Variants in MASP1 observed in about 807,000 individuals in gnomAD.
MASP1 encodes mannan-binding lectin serine protease 1.
A neutral mutation model predicts 77.1 loss-of-function variants in MASP1; 59 were observed. The observed-to-expected ratio is 0.77, with a 90% CI of 0.62 to 0.95. The LOEUF (loss-of-function observed/expected upper bound fraction) is 0.95, where lower values mean the gene tolerates loss of function less well. Among genes scored for constraint, MASP1 ranks in the 40% least tolerant of loss-of-function variants. MASP1 has a pLI of 0.00. For missense variants in MASP1, 885 were observed against 912.9 expected (o/e 0.97, Z 0.39); for synonymous variants, 362 against 354.5 (o/e 1.02, Z -0.24).
rs1713094888 is a variant in MASP1, at chr3:187,235,693, C to T, written c.2178G>A (p.Val726=). 1 of 1,614,166 alleles carries T rather than the reference C, an allele frequency of 6.2e-7. No homozygotes were observed. Residue 726 remains valine, a synonymous_variant, in exon 11 of 11, where the codon GTG becomes GTA. Transcript: ENST00000296280. ...GLPQSVVEPQ[V]ER ...GAGGAAGTAAGTCAGCTCACCGTTC[C>T]ACCTGGGGCTCCACAACACTTTGTG...
intron 9 of MASP1, chr3:187,243,079 G>A: frequency 3.2e-6 from 1 of 314,270 alleles, no homozygotes. Flanking sequence ...AGTAATACTG[G>A]CCTTTTTTTG....
At chr3:187,227,255 C>T (rs1206820691) in intron 11 of MASP1, among the ~76,000 whole-genome samples, 4 of 152,144 alleles carry the variant, frequency 2.6e-5, no homozygotes, top group South Asian at 2.1e-4. Flanking sequence ...AACCCTGAGG[C>T]GTGGAGAAAG....
chr3:187,232,944 A>G (rs1712859338), downstream of MASP1, among the ~76,000 whole-genome samples: 1 of 152,224 alleles, frequency 6.6e-6, no homozygotes, highest in Non-Finnish European at 1.5e-5. Context: ...AGTGCGTCCC[A>G]TGGTGAGACT....
At chr3:187,276,710 AT>A (rs1716997239) in intron 2 of MASP1, 1 of 152,194 alleles carries the variant, frequency 6.6e-6, no homozygotes, top group South Asian at 2.1e-4. Flanking sequence ...AAGCAAGCTC[AT>A]TTTCATTTTC....
chr3:187,218,646 C>G (rs1711875222), exon 16 of MASP1: 2 of 151,848 alleles, frequency 1.3e-5, no homozygotes, highest in Admixed American at 1.3e-4. Flanking sequence ...TTCAAGAGAC[C>G]TGGAATTACT....
chr3:187,229,639 C>T (rs991568081), downstream of MASP1: 19 of 1,314,422 alleles, frequency 1.4e-5, no homozygotes, highest in South Asian at 1.0e-4. Flanking sequence ...CTCTTTCTAC[C>T]GCACTGTGCT....
At chr3:187,232,236 C>T (rs77927852), downstream of MASP1, among the ~76,000 whole-genome samples, 3,332 of 151,886 alleles carry the variant, frequency 0.022, 141 homozygotes, top group African/African-American at 0.076. Context: ...TCCCCCCCCC[C>T]CCTTTTTTTT....
exon 13 of MASP1, chr3:187,225,460 G>T: frequency 6.2e-7 from 1 of 1,614,174 alleles, no homozygotes; most frequent in Non-Finnish European, 8.5e-7. Context: ...TGGTGTGTTT[G>T]ACGCCGAGAT....
Position 187,253,174 on chromosome 3 carries a change from C to A in MASP1, c.886G>T (p.Ala296Ser). The change falls in exon 6 of 11, where the codon GCT (alanine) becomes TCT (serine). Residue 296 changes from alanine to serine, a missense_variant. Transcript: ENST00000296280. ...CTGGGAGGGAAGAGGTTACCTGCAG[C>A]CCTGTATGAGAGCCTCCAGCCCCGG... Reference protein sequence around the residue: ...ENRGWRLSYRAAGNECPELQP... With the variant: ...ENRGWRLSYRSAGNECPELQP... 6.2e-7 allele frequency: 1 copy of A among 1,613,950 alleles called. No homozygotes were observed. Among genetic ancestry groups the A allele is most frequent in the Non-Finnish European group, 8.5e-7 (1 of 1,180,006 alleles).
downstream of MASP1, among the ~76,000 whole-genome samples, chr3:187,233,625 A>G (rs2108509763): frequency 6.6e-6 from 1 of 152,334 alleles, no homozygotes; most frequent in East Asian, 1.9e-4. Flanking sequence ...GGCACAGAAC[A>G]TGTTCTCCAT....
chr3:187,238,468 G>T, intron 10 of MASP1, among the ~76,000 whole-genome samples: 1 of 152,268 alleles, frequency 6.6e-6, no homozygotes, highest in Middle Eastern at 3.4e-3. Context: ...ATTGAAATGG[G>T]GTCATTCTTA....
At chr3:187,228,382 C>T (rs997121370) in intron 11 of MASP1, among the ~76,000 whole-genome samples, 1 of 152,076 alleles carries the variant, frequency 6.6e-6, no homozygotes, top group Admixed American at 6.5e-5. Context: ...CTAACAAAAT[C>T]GGAGCTGTCT....
chr3:187,268,549 T>TAGAATAGAAA (rs1716245475), intron 2 of MASP1, among the ~76,000 whole-genome samples: 1 of 137,348 alleles, frequency 7.3e-6, no homozygotes, highest in Non-Finnish European at 1.5e-5. Context: ...GAAAAGAAAA[T>TAGAATAGAAA]AGAAAAGAAA....
At chr3:187,245,568 T>C (rs185018647) in intron 8 of MASP1, among the ~76,000 whole-genome samples, 2 of 152,238 alleles carry the variant, frequency 1.3e-5, no homozygotes, top group East Asian at 3.9e-4. Flanking sequence ...GGGCGTACTT[T>C]CTTCCCAAGT....
rs1713839949 is a variant in MASP1, at chr3:187,243,629, A to T, written c.1091-8T>A. ...GGGCTCTACAGTCTACAACTGAGAG[A>T]GAAGAAGTGAGACCCCTCAACTGCC... On this transcript the variant is annotated splice_polypyrimidine_tract_variant and splice_region_variant and intron_variant, in intron 8 of 10. Transcript: ENST00000296280. The T allele has an allele frequency of 6.2e-7, 1 of 1,614,046 alleles. No individual in the cohort carries two copies. Among genetic ancestry groups the T allele is most frequent in the African/African-American group, 1.3e-5 (1 of 75,048 alleles).
At chr3:187,280,375 T>C (rs889232552) in intron 2 of MASP1, among the ~76,000 whole-genome samples, 12 of 152,058 alleles carry the variant, frequency 7.9e-5, no homozygotes, top group African/African-American at 2.9e-4. Context: ...AGAAAGAGAG[T>C]GCAATCCAAA....
chr3:187,272,914 T>A (rs1716640591), intron 2 of MASP1, among the ~76,000 whole-genome samples: 1 of 152,226 alleles, frequency 6.6e-6, no homozygotes, highest in Non-Finnish European at 1.5e-5. Flanking sequence ...TTTTCTCATA[T>A]GTAAAATAGT....
In MASP1 at chr3:187,234,339, AAGG is replaced by A. The variant is rs1285858195; in HGVS notation, c.*1342_*1344del. 1.6e-6 allele frequency: 2 copies of A among 1,287,026 alleles called. No homozygotes were observed. The allele number at this position is 1,287,026 out of a possible 1,614,324, so 79.7% of individuals were successfully genotyped here. On this transcript the variant is annotated 3_prime_UTR_variant, in exon 11 of 11. Transcript: ENST00000296280. ...TTTCAGGAGAGAGAGCTCCAGGGAG[AAGG>A]AGAACAATCAGCCCTGTGAGGGCCA... is the stretch of plus-strand genomic sequence containing the variant.
In MASP1 at chr3:187,235,435, A is replaced by G. The variant is rs1218311446; in HGVS notation, c.*249T>C. 6.7e-7 allele frequency: 1 copy of G among 1,501,808 alleles called. No individual in the cohort carries two copies. Among genetic ancestry groups the G allele is most frequent in the African/African-American group, 1.4e-5 (1 of 72,372 alleles). 93.0% of individuals were successfully genotyped at this position (1,501,808 alleles called of 1,614,324 possible). ...CTTGGTTGAGCTCCTGCATTGTATT[A>G]CTCGGTAGAGTGAGGCCCAGACAGG... On this transcript the variant is annotated 3_prime_UTR_variant, in exon 11 of 11. Coordinates refer to ENST00000296280, the MANE Select transcript of MASP1 (RefSeq NM_139125.4).
Sources: gnomAD v4.1 joint callset for allele counts (sites outside exome capture counted in the v4.1 genomes callset) on GRCh38, gnomAD v4.1.1 for gene constraint, MANE v1.5 for transcripts, NCBI Gene and HGNC (gene_info 2026-07-23, HGNC 2026-07-21) for gene names.